The following CCDC7 variants were observed in gnomAD, a reference collection of about 807,000 sequenced individuals.
CCDC7 encodes coiled-coil domain containing 7.
CCDC7 carries 183 observed loss-of-function variants against 196.9 expected under a neutral mutation model. The observed-to-expected ratio is 0.93, with a 90% CI of 0.82 to 1.05. The LOEUF (loss-of-function observed/expected upper bound fraction) is 1.05, where lower values mean the gene tolerates loss of function less well. Ranked by LOEUF, CCDC7 falls within the 50% of genes least tolerant of loss-of-function variation. The pLI, the probability that CCDC7 is intolerant of heterozygous loss-of-function variation, is 0.00. For synonymous variants in CCDC7, 525 were observed against 484.6 expected (o/e 1.08, Z -1.10); for missense variants, 1,540 against 1,482.2 (o/e 1.04, Z -0.64).
In CCDC7 at chr10:32,544,776, TG is replaced by T. The variant is rs535344679; in HGVS notation, c.1134+476del. On this transcript the variant is annotated intron_variant, in intron 13 of 41. Transcript: ENST00000639629. ...TGCAACGAAAAACTTCTTCAGAAAT[TG>T]TAAACTCTGTGTCTGACTCTGGTTT... is the stretch of plus-strand genomic sequence containing the variant. Among the ~76,000 whole-genome samples the T allele has an allele frequency of 7.9e-3, 1,205 of 152,284 alleles. 7 individuals carry two copies. The highest frequency in any genetic ancestry group is 0.02 in the Middle Eastern group (6 of 294).
chr10:32,780,601 G>C (rs935381396), intron 29 of CCDC7, among the ~76,000 whole-genome samples: 4 of 152,010 alleles, frequency 2.6e-5, no homozygotes, highest in Non-Finnish European at 5.9e-5. Context: ...TATATTATTT[G>C]CTTGGTAATC....
chr10:32,874,783 C>CACACACACACACAT (rs753626170), intron 41 of CCDC7, among the ~76,000 whole-genome samples: 2 of 143,324 alleles, frequency 1.4e-5, no homozygotes, highest in Admixed American at 7.2e-5. Context: ...CACACACACA[C>CACACACACACACAT]ATATATACAC....
intron 21 of CCDC7, among the ~76,000 whole-genome samples, chr10:32,667,402 T>C (rs1232511608): frequency 6.6e-6 from 1 of 152,216 alleles, no homozygotes; most frequent in African/African-American, 2.4e-5. Context: ...TTTTGGCTTT[T>C]GTTGCCATTG....
chr10:32,678,860 C>G (rs1306820165), intron 21 of CCDC7, among the ~76,000 whole-genome samples: 2 of 152,092 alleles, frequency 1.3e-5, no homozygotes, highest in African/African-American at 4.8e-5. Context: ...TGTGCTGTAG[C>G]CTCTCATTTG....
chr10:32,770,126 T>A (rs543959109), intron 28 of CCDC7, among the ~76,000 whole-genome samples: 4 of 152,310 alleles, frequency 2.6e-5, no homozygotes, highest in African/African-American at 9.6e-5. Context: ...TTAGTTCTGC[T>A]CTTATCTTTG....
exon 1 of CCDC7, chr10:32,451,777 T>G (rs2033133714): frequency 6.2e-7 from 1 of 1,614,170 alleles, no homozygotes; most frequent in Admixed American, 1.7e-5. Flanking sequence ...AATTAATTCA[T>G]GATAAAATTG....
At chr10:32,723,153 A>G (rs2082649647) in intron 25 of CCDC7, among the ~76,000 whole-genome samples, 1 of 152,072 alleles carries the variant, frequency 6.6e-6, no homozygotes, top group Admixed American at 6.6e-5. Context: ...GAGCCCATCA[A>G]TTTCCTTAGA....
intron 13 of CCDC7, among the ~76,000 whole-genome samples, chr10:32,561,407 T>A (rs1238160087): frequency 3.9e-5 from 6 of 151,946 alleles, no homozygotes; most frequent in Non-Finnish European, 5.9e-5. Flanking sequence ...GAAGTAAAGC[T>A]CTCCTCAGCA....
chr10:32,761,434 A>G (rs1041097955), intron 28 of CCDC7, among the ~76,000 whole-genome samples: 1 of 151,988 alleles, frequency 6.6e-6, no homozygotes, highest in Non-Finnish European at 1.5e-5. Context: ...CTGAGTGACC[A>G]TGTCTTTGAT....
intron 25 of CCDC7, among the ~76,000 whole-genome samples, chr10:32,725,695 C>T (rs1158681922): frequency 6.6e-6 from 1 of 152,002 alleles, no homozygotes; most frequent in African/African-American, 2.4e-5. Flanking sequence ...GGGGAACCAG[C>T]ATGTCACATG....
intron 10 of CCDC7, 39 bp downstream of exon 11, chr10:32,518,014 C>A: frequency 6.5e-7 from 1 of 1,540,296 alleles, no homozygotes; most frequent in Non-Finnish European, 8.7e-7. Flanking sequence ...ACACTTTGTC[C>A]TTGAGTTCTT....
At chr10:32,766,033 C>A (rs1480271822) in intron 28 of CCDC7, among the ~76,000 whole-genome samples, 1 of 151,952 alleles carries the variant, frequency 6.6e-6, no homozygotes, top group Non-Finnish European at 1.5e-5. Context: ...AGATATCATA[C>A]TTGTTTATTA....
chr10:32,784,733 G>C (rs1010817174), intron 29 of CCDC7, among the ~76,000 whole-genome samples: 17 of 152,088 alleles, frequency 1.1e-4, no homozygotes, highest in African/African-American at 3.6e-4. Flanking sequence ...TGGGCGCCGT[G>C]ACTCGTGCCT....
chr10:32,801,636 C>G (rs191244175), intron 29 of CCDC7, among the ~76,000 whole-genome samples: 8 of 152,246 alleles, frequency 5.3e-5, no homozygotes, highest in African/African-American at 1.7e-4. Flanking sequence ...AACCTCAACT[C>G]CAGGGGTCTG....
At chr10:32,557,208 G>T (rs1047684652) in intron 13 of CCDC7, among the ~76,000 whole-genome samples, 2 of 150,602 alleles carry the variant, frequency 1.3e-5, no homozygotes, top group African/African-American at 4.9e-5. Flanking sequence ...CTGCTGAGAA[G>T]CAATTATTAA....
At chr10:32,493,394 C>CTG (rs1477555465) in intron 9 of CCDC7, among the ~76,000 whole-genome samples, 1 of 149,636 alleles carries the variant, frequency 6.7e-6, no homozygotes, top group African/African-American at 2.4e-5. Context: ...ATATATATAT[C>CTG]TGTATATATA....
intron 9 of CCDC7, among the ~76,000 whole-genome samples, chr10:32,516,090 A>G (rs2046989706): frequency 6.6e-6 from 1 of 152,194 alleles, no homozygotes; most frequent in Non-Finnish European, 1.5e-5. Flanking sequence ...CACTCATAGA[A>G]TATGAAAAAT....
intron 30 of CCDC7, 125 bp downstream of exon 31, chr10:32,805,223 C>G: frequency 1.5e-6 from 1 of 658,820 alleles, no homozygotes; most frequent in South Asian, 1.9e-5. Flanking sequence ...CTCATGAATA[C>G]CCTCCCATAT....
chr10:32,667,855 C>CT (rs2073150081), intron 21 of CCDC7, among the ~76,000 whole-genome samples: 1 of 152,064 alleles, frequency 6.6e-6, no homozygotes, highest in Admixed American at 6.6e-5. Flanking sequence ...AATGCAGGCT[C>CT]TTTTTTGGTT....
Sources: allele counts gnomAD v4.1 joint callset (sites outside exome capture counted in the v4.1 genomes callset), GRCh38; gene constraint gnomAD v4.1.1; transcripts MANE v1.5; gene names NCBI Gene and HGNC (gene_info 2026-07-23, HGNC 2026-07-21).